Variants in RNLS observed in about 807,000 individuals in gnomAD.
RNLS encodes renalase.
RNLS carries 39 observed loss-of-function variants against 39.8 expected under a neutral mutation model. The observed-to-expected ratio is 0.98, with a 90% CI of 0.76 to 1.28. The LOEUF is 1.28. RNLS is among the 50% of genes most tolerant of loss of function. The pLI is 0.00. For synonymous variants in RNLS, 147 were observed against 150.7 expected (o/e 0.98, Z 0.18); for missense variants, 410 against 413.3 (o/e 0.99, Z 0.07).
intron 5 of RNLS, among the ~76,000 whole-genome samples, chr10:88,337,833 C>T (rs1847623302): frequency 6.6e-6 from 1 of 152,016 alleles, no homozygotes; most frequent in South Asian, 2.1e-4. Flanking sequence ...TGTGTGAAGC[C>T]TTTAGTACTG....
chr10:88,512,254 T>A (rs1191704421), intron 4 of RNLS, among the ~76,000 whole-genome samples: 1 of 152,180 alleles, frequency 6.6e-6, no homozygotes, highest in African/African-American at 2.4e-5. Flanking sequence ...TGGGAAGCAG[T>A]CTGTTTGCAC....
the RNLS span, among the ~76,000 whole-genome samples, chr10:88,224,315 C>T: frequency 1.3e-5 from 2 of 152,278 alleles, no homozygotes; most frequent in South Asian, 2.1e-4. Context: ...TCTTAACCAC[C>T]TCCTAAAGCC....
the RNLS span, among the ~76,000 whole-genome samples, chr10:88,199,348 C>T: frequency 1.3e-5 from 2 of 152,164 alleles, no homozygotes; most frequent in African/African-American, 4.8e-5. Context: ...TATTTGTCAA[C>T]CTCAGCACCA....
chr10:88,566,597 A>C (rs1849513552), intron 4 of RNLS, among the ~76,000 whole-genome samples: 2 of 152,122 alleles, frequency 1.3e-5, no homozygotes, highest in Non-Finnish European at 2.9e-5. Flanking sequence ...AGAATACAGG[A>C]CCTCTTTGAA....
chr10:88,497,922 T>C lies in RNLS; in HGVS notation c.526+74981A>G, dbSNP rs140053093. Among the ~76,000 whole-genome samples the C allele has an allele frequency of 2.3e-5, 3 of 130,906 alleles. No individual in the cohort carries two copies. The East Asian group carries it at 7.1e-4, about 31-fold the overall frequency. The allele number at this position is 130,906 out of a possible 152,430, so 85.9% of individuals were successfully genotyped here. Reference sequence around the variant, plus strand: ...GAGTAAAGTAGATTTATAAAAATAGTGTTCAAGAGGTTATTGAAGAGAAAA... The same window carrying C: ...GAGTAAAGTAGATTTATAAAAATAGCGTTCAAGAGGTTATTGAAGAGAAAA... On this transcript the variant is annotated intron_variant, in intron 4 of 6. Transcript: ENST00000331772.
chr10:88,182,440 C>A, the RNLS span, among the ~76,000 whole-genome samples: 5 of 152,050 alleles, frequency 3.3e-5, no homozygotes, highest in Non-Finnish European at 7.4e-5. Flanking sequence ...CTTCAAAATG[C>A]GTGGGGGTCA....
chr10:88,506,782 CAA>C (rs1845821453), intron 4 of RNLS, among the ~76,000 whole-genome samples: 1 of 151,822 alleles, frequency 6.6e-6, no homozygotes, highest in Non-Finnish European at 1.5e-5. Context: ...TCTAAAAAAC[CAA>C]AAAGTCAGAA....
intron 4 of RNLS, among the ~76,000 whole-genome samples, chr10:88,505,394 ACT>A (rs1477937038): frequency 8.8e-6 from 1 of 113,574 alleles, no homozygotes. Flanking sequence ...TAGCAGAGAC[ACT>A]CTGTTTGTGA....
the RNLS span, among the ~76,000 whole-genome samples, chr10:88,195,819 A>G: frequency 6.6e-6 from 1 of 152,208 alleles, no homozygotes. Flanking sequence ...AAACAGCCCC[A>G]TCATTAGAAC....
intron 4 of RNLS, among the ~76,000 whole-genome samples, chr10:88,511,882 A>C (rs1165387157): frequency 6.6e-6 from 1 of 152,204 alleles, no homozygotes; most frequent in Non-Finnish European, 1.5e-5. Context: ...TTTATTGGCC[A>C]TTAATAACTC....
At chr10:88,465,910 T>A (rs1264278755) in intron 4 of RNLS, among the ~76,000 whole-genome samples, 1 of 151,914 alleles carries the variant, frequency 6.6e-6, no homozygotes, top group African/African-American at 2.4e-5. Flanking sequence ...ATACATGGAG[T>A]CCTAGGGCTT....
At chr10:88,177,073 G>A in the RNLS span, among the ~76,000 whole-genome samples, 1 of 152,102 alleles carries the variant, frequency 6.6e-6, no homozygotes, top group Non-Finnish European at 1.5e-5. Context: ...TCCTTTGTGG[G>A]TTGAACCTAT....
At chr10:88,540,290 G>T (rs1471453676) in intron 4 of RNLS, among the ~76,000 whole-genome samples, 2 of 152,036 alleles carry the variant, frequency 1.3e-5, no homozygotes, top group African/African-American at 2.4e-5. Flanking sequence ...GTAAAACAAG[G>T]CATCCACTAC....
intron 4 of RNLS, among the ~76,000 whole-genome samples, chr10:88,492,227 T>C (rs969991480): frequency 6.6e-6 from 1 of 152,054 alleles, no homozygotes; most frequent in African/African-American, 2.4e-5. Context: ...TCCTAGGATA[T>C]ACTCTGGGAA....
At chr10:88,240,701 AG>A in the RNLS span, among the ~76,000 whole-genome samples, 1 of 152,016 alleles carries the variant, frequency 6.6e-6, no homozygotes, top group African/African-American at 2.4e-5. Flanking sequence ...CTGGCATCAG[AG>A]CTTTTCTCCA....
At chr10:88,353,151 G>C (rs1458410906) in intron 5 of RNLS, among the ~76,000 whole-genome samples, 1 of 152,108 alleles carries the variant, frequency 6.6e-6, no homozygotes, top group East Asian at 1.9e-4. Flanking sequence ...CAAAAAACCA[G>C]CTCCTGGATT....
chr10:88,235,569 T>A, the RNLS span, among the ~76,000 whole-genome samples: 2 of 152,174 alleles, frequency 1.3e-5, no homozygotes, highest in Non-Finnish European at 2.9e-5. Flanking sequence ...AGATTAAGAA[T>A]GTGGTCAAGT....
chr10:88,329,061 G>T (rs1421827359), intron 5 of RNLS, among the ~76,000 whole-genome samples: 1 of 151,560 alleles, frequency 6.6e-6, no homozygotes, highest in East Asian at 1.9e-4. Flanking sequence ...AGACTGTTAG[G>T]AAGTCAAGTG....
rs1185879557 is a variant in RNLS at position 88,284,252 on chromosome 10, CTT to C, written c.*1100_*1101del. ...TGACAGTGGACATGTAAGTGTGAAACTTTAAACACTATTACAGTAAGAAGTCT... is the reference window on the plus strand; with the variant it reads ...TGACAGTGGACATGTAAGTGTGAAACTAAACACTATTACAGTAAGAAGTCT... On this transcript the variant is annotated 3_prime_UTR_variant, in exon 7 of 7. Coordinates refer to ENST00000331772, the MANE Select transcript of RNLS (RefSeq NM_001031709.3). 1.0e-6 allele frequency: 1 copy of C among 985,250 alleles called. No individual in the cohort carries two copies. Among genetic ancestry groups the C allele is most frequent in the East Asian group, 1.1e-4 (1 of 8,828 alleles). 61.0% of individuals were successfully genotyped at this position (985,250 alleles called of 1,614,324 possible).
Sources: allele counts gnomAD v4.1 joint callset (sites outside exome capture counted in the v4.1 genomes callset), GRCh38; gene constraint gnomAD v4.1.1; transcripts MANE v1.5; gene names NCBI Gene and HGNC (gene_info 2026-07-23, HGNC 2026-07-21).